The following COPS7B variants were observed in gnomAD, a reference collection of about 807,000 sequenced individuals.
COPS7B encodes COP9 signalosome complex subunit 7b.
Under a neutral mutation model 33.4 loss-of-function variants are expected in COPS7B, and 9 were observed. The observed-to-expected ratio is 0.27, with a 90% CI of 0.16 to 0.47. COPS7B has a LOEUF of 0.47. Among genes scored for constraint, COPS7B ranks in the 20% least tolerant of loss-of-function variants. The probability of loss-of-function intolerance (pLI) is 0.99; values close to 1 mark genes in which losing one functional copy is unlikely to be tolerated. For missense variants in COPS7B, 242 were observed against 318.2 expected (o/e 0.76, Z 1.82); for synonymous variants, 119 against 126.3 (o/e 0.94, Z 0.39).
At chr2:231,794,418 AAG>A in intron 4 of COPS7B, 67 bp downstream of exon 4, 1 of 1,296,450 alleles carries the variant, frequency 7.7e-7, no homozygotes. Context: ...GACATCAATG[AAG>A]GAAGTCCCAG....
intron 4 of COPS7B, 62 bp from the exon 5 acceptor site, chr2:231,796,044 C>A (rs1244108270): frequency 1.4e-6 from 2 of 1,438,742 alleles, no homozygotes; most frequent in South Asian, 1.2e-5. Context: ...GGGAGTAATA[C>A]CTGCATTTTC....
rs2049576939 is a variant in COPS7B at position 231,796,584 on chromosome 2, G to A, written c.530+276G>A. ...GTGGGCTATAAAATGCCCAGGGTTA[G>A]CAGGTGGAGCCTATGTGTCCTAGCT... On this transcript the variant is annotated intron_variant, in intron 5 of 6. Coordinates refer to ENST00000350033, the MANE Select transcript of COPS7B (RefSeq NM_022730.4). Among the ~76,000 whole-genome samples the A allele has an allele frequency of 2.6e-5, 4 of 152,212 alleles. No individual in the cohort carries two copies. The South Asian group carries it at 8.3e-4, about 32-fold the overall frequency.
intron 6 of COPS7B, among the ~76,000 whole-genome samples, chr2:231,804,132 T>C (rs527868023): frequency 6.6e-6 from 1 of 152,346 alleles, no homozygotes; most frequent in South Asian, 2.1e-4. Context: ...ATTGAAAATA[T>C]AACCATTATT....
intron 1 of COPS7B, among the ~76,000 whole-genome samples, chr2:231,787,577 T>A (rs2049287825): frequency 6.6e-6 from 1 of 152,158 alleles, no homozygotes; most frequent in South Asian, 2.1e-4. Flanking sequence ...TGAGGTTTTT[T>A]TTTTTTTACA....
At chr2:231,799,513 G>A (rs1443612831) in intron 6 of COPS7B, among the ~76,000 whole-genome samples, 1 of 152,222 alleles carries the variant, frequency 6.6e-6, no homozygotes, top group African/African-American at 2.4e-5. Flanking sequence ...TGGCAGATGA[G>A]CTGCAAGTGA....
chr2:231,803,084 TG>T (rs1161583243), intron 6 of COPS7B, among the ~76,000 whole-genome samples: 1 of 152,238 alleles, frequency 6.6e-6, no homozygotes, highest in Non-Finnish European at 1.5e-5. Context: ...GCAGTCTTAT[TG>T]GAGGAGTGAG....
upstream of COPS7B, among the ~76,000 whole-genome samples, chr2:231,785,692 G>T (rs888254784): frequency 1.3e-5 from 2 of 152,314 alleles, no homozygotes; most frequent in Admixed American, 1.3e-4. Flanking sequence ...GGCAAATAGG[G>T]CTGTTTTTCT....
chr2:231,794,209 G>T (rs964232482), intron 3 of COPS7B, 54 bp from the exon 4 acceptor site: 42 of 1,485,336 alleles, frequency 2.8e-5, no homozygotes, highest in African/African-American at 4.2e-5. Context: ...TTCCATAAAA[G>T]AAATCCTAAT....
At chr2:231,781,728 T>C, upstream of COPS7B, 2 of 983,278 alleles carry the variant, frequency 2.0e-6, no homozygotes, top group Admixed American at 2.1e-5. Context: ...TGCCGCGCAG[T>C]GTGCGCAAAT....
In COPS7B at chr2:231,808,417, G is replaced by A. The variant is rs1258005630; in HGVS notation, c.*772G>A. 3 of 471,250 alleles carry A rather than the reference G, an allele frequency of 6.4e-6. No individual in the cohort carries two copies. The highest frequency in any genetic ancestry group is 1.3e-5 in the Non-Finnish European group (3 of 227,016). The allele number at this position is 471,250 out of a possible 1,614,324, so 29.2% of individuals were successfully genotyped here. A position where few individuals can be genotyped will look rare whatever the true frequency, so the allele number is the denominator to read the frequency against. The stretch of plus-strand genomic sequence containing the variant: ...GACTACTCAGCCTTGTTTTCGGTGT[G>A]TAGGCCCCAGCTGCCCACTGGAACT... On this transcript the variant is annotated 3_prime_UTR_variant, in exon 7 of 7. Coordinates refer to ENST00000350033, the MANE Select transcript of COPS7B (RefSeq NM_022730.4).
In COPS7B at chr2:231,798,940, A is replaced by T; in HGVS notation, c.612A>T (p.Arg204=). 1 of 1,614,196 alleles carries T rather than the reference A, an allele frequency of 6.2e-7. No individual in the cohort carries two copies. The highest frequency in any genetic ancestry group is 8.5e-7 in the Non-Finnish European group (1 of 1,180,006). Residue 204 remains arginine, a synonymous_variant, in exon 6 of 7, where the codon CGA becomes CGT. Transcript: ENST00000350033. ...RANQYKENHN[R]TQQQVEAEVT... The stretch of plus-strand genomic sequence containing the variant: ...ACCAGTACAAAGAGAACCACAACCG[A>T]ACTCAGCAGCAGGTAGAAGCAGAGG...
chr2:231,807,781 TG>T lies in COPS7B; in HGVS notation c.*138del. On this transcript the variant is annotated 3_prime_UTR_variant, in exon 7 of 7. Coordinates refer to ENST00000350033, the MANE Select transcript of COPS7B (RefSeq NM_022730.4). ...CCTCACCAGCGCCTCCCCACCCTGT[TG>T]GTACTGTTCCAGAAAAACTGTTACT... 1.3e-6 allele frequency: 1 copy of T among 755,670 alleles called. No homozygotes were observed. The highest frequency in any genetic ancestry group is 3.0e-5 in the Admixed American group (1 of 32,792). 46.8% of individuals were successfully genotyped at this position (755,670 alleles called of 1,614,324 possible). A position where few individuals can be genotyped will look rare whatever the true frequency, so the allele number is the denominator to read the frequency against.
At chr2:231,806,033 G>A (rs1462903344) in intron 6 of COPS7B, among the ~76,000 whole-genome samples, 2 of 151,972 alleles carry the variant, frequency 1.3e-5, no homozygotes, top group African/African-American at 4.8e-5. Flanking sequence ...GGTTACAGAA[G>A]TTTAGGGCAT....
At chr2:231,781,715 G>T (rs750809703), upstream of COPS7B, 4 of 856,158 alleles carry the variant, frequency 4.7e-6, 1 homozygote, top group South Asian at 3.0e-5. Flanking sequence ...TTAGACTCCA[G>T]TGTGCCGCGC....
intron 6 of COPS7B, among the ~76,000 whole-genome samples, chr2:231,800,452 G>T (rs2049711490): frequency 6.6e-6 from 1 of 152,222 alleles, no homozygotes; most frequent in Non-Finnish European, 1.5e-5. Flanking sequence ...TGTACAAAAT[G>T]AGGTTGGGAG....
chr2:231,804,412 T>C (rs892463275), intron 6 of COPS7B, among the ~76,000 whole-genome samples: 2 of 152,078 alleles, frequency 1.3e-5, no homozygotes, highest in African/African-American at 4.8e-5. Context: ...GTCACCCGGC[T>C]AACTTTTTAT....
upstream of COPS7B, among the ~76,000 whole-genome samples, chr2:231,784,985 A>G (rs563182770): frequency 6.6e-6 from 1 of 152,224 alleles, no homozygotes; most frequent in East Asian, 1.9e-4. Context: ...TAATTTTTGT[A>G]TTTTTAGTAG....
Position 231,791,469 on chromosome 2 carries a change from T to C in COPS7B, c.163-264T>C, listed in dbSNP as rs1005230033. On this transcript the variant is annotated intron_variant, in intron 2 of 6. Transcript: ENST00000350033. ...CAATGCTTAATGCTTTGTATGTGTG[T>C]GTGAGAGAAAAGCAGTTCGTTGGGC... 13 of 463,796 alleles carry C rather than the reference T, an allele frequency of 2.8e-5. No individual in the cohort carries two copies. In the Admixed American group the frequency reaches 4.8e-4, roughly 17 times the overall value. 28.7% of individuals were successfully genotyped at this position (463,796 alleles called of 1,614,324 possible). A position where few individuals can be genotyped will look rare whatever the true frequency, so the allele number is the denominator to read the frequency against.
At chr2:231,791,643 C>T in intron 2 of COPS7B, 90 bp from the exon 3 acceptor site, 1 of 1,102,378 alleles carries the variant, frequency 9.1e-7, no homozygotes, top group Non-Finnish European at 1.4e-6. Flanking sequence ...GCCATGGCAT[C>T]TTTGACACAT....
Sources: allele counts gnomAD v4.1 joint callset (sites outside exome capture counted in the v4.1 genomes callset), GRCh38; gene constraint gnomAD v4.1.1; transcripts MANE v1.5; gene names NCBI Gene and HGNC (gene_info 2026-07-23, HGNC 2026-07-21).